CADPS2: variants seen among roughly 807,000 people sequenced by gnomAD.
The protein encoded by CADPS2 is calcium dependent secretion activator 2, also known as calcium-dependent secretion activator 2.
A neutral mutation model predicts 172.5 loss-of-function variants in CADPS2; 93 were observed. That is an observed-to-expected ratio of 0.54 (90% CI 0.46 to 0.64). The LOEUF (loss-of-function observed/expected upper bound fraction) is 0.64. CADPS2 is among the 30% of genes least tolerant of loss of function. The pLI is 0.00. For missense variants in CADPS2, 1,420 were observed against 1,565.9 expected (o/e 0.91, Z 1.57); for synonymous variants, 546 against 555.2 (o/e 0.98, Z 0.23).
Position 122,387,115 on chromosome 7 carries a change from T to C in CADPS2, c.3223A>G (p.Ile1075Val). The change falls in exon 24 of 30, where the codon ATT (isoleucine) becomes GTT (valine). Residue 1075 changes from isoleucine (I) to valine (V), a missense_variant. Transcript: ENST00000449022. ...AACATAGTGCAAACGGAAGCTGGAATGCGCAAGTCAGTTGTTTTGCTTGCC... is the reference window on the plus strand; with the variant it reads ...AACATAGTGCAAACGGAAGCTGGAACGCGCAAGTCAGTTGTTTTGCTTGCC... ...QKASKTTDLR[I>V]PASVCTMFNV... 6.4e-7 allele frequency: 1 copy of C among 1,574,466 alleles called. No individual in the cohort carries two copies. Among genetic ancestry groups the C allele is most frequent in the Non-Finnish European group, 8.6e-7 (1 of 1,157,540 alleles).
At chr7:122,766,385 G>A (rs189813206) in intron 1 of CADPS2, among the ~76,000 whole-genome samples, 1 of 152,028 alleles carries the variant, frequency 6.6e-6, no homozygotes, top group Non-Finnish European at 1.5e-5. Context: ...ATGCAATATA[G>A]AGTGACTATT....
Position 122,379,439 on chromosome 7 carries a change from G to T in CADPS2, c.3316C>A (p.Gln1106Lys). Residue 1106 changes from glutamine (Q) to lysine (K), a missense_variant, in exon 25 of 30, where the codon CAG (glutamine) becomes AAG (lysine). Physicochemically the swap from Gln to Lys is moderately conservative, Grantham distance 53. Coordinates refer to ENST00000449022, the MANE Select transcript of CADPS2 (RefSeq NM_017954.11). ...LCALDGGQEQ[Q>K]YHSKIDDLID... ...AGATCATCTATTTTTGAATGGTACT[G>T]TTGCTAGATATTAAAAGATAAAAAC... 6.3e-7 allele frequency: 1 copy of T among 1,596,574 alleles called. No individual in the cohort carries two copies. The highest frequency in any genetic ancestry group is 1.1e-5 in the South Asian group (1 of 89,900).
At chr7:122,835,167 C>T (rs1382462368) in intron 1 of CADPS2, among the ~76,000 whole-genome samples, 1 of 152,170 alleles carries the variant, frequency 6.6e-6, no homozygotes. Context: ...GATACCCAGG[C>T]AAAATGGGTC....
At chr7:122,591,816 C>G (rs950330877) in intron 6 of CADPS2, among the ~76,000 whole-genome samples, 14 of 152,280 alleles carry the variant, frequency 9.2e-5, no homozygotes, top group African/African-American at 3.4e-4. Context: ...TCCTTCCTTA[C>G]ACCTTATACA....
intron 3 of CADPS2, among the ~76,000 whole-genome samples, chr7:122,630,820 A>G (rs1489421933): frequency 1.3e-5 from 2 of 152,150 alleles, no homozygotes; most frequent in Non-Finnish European, 2.9e-5. Flanking sequence ...TATGTTTCCA[A>G]GTTGATTTTT....
chr7:122,868,541 C>A (rs1038663791), intron 1 of CADPS2, among the ~76,000 whole-genome samples: 7 of 152,100 alleles, frequency 4.6e-5, no homozygotes, highest in African/African-American at 1.7e-4. Flanking sequence ...GCAGGTTGGA[C>A]AAACACAAAG....
rs542889599 is a variant in CADPS2, at chr7:122,498,828, G to T, written c.1543-7408C>A. Among the ~76,000 whole-genome samples, 10 of 152,144 alleles carry T rather than the reference G, an allele frequency of 6.6e-5. No homozygotes were observed. In the East Asian group the frequency reaches 1.5e-3, roughly 23 times the overall value. On this transcript the variant is annotated intron_variant, in intron 9 of 29. Coordinates refer to ENST00000449022, the MANE Select transcript of CADPS2 (RefSeq NM_017954.11). The stretch of plus-strand genomic sequence containing the variant: ...TAAATAAAATTATTTTATAATTTAT[G>T]TATGTGAGAGCTGTATTGCTGAAAT...
chr7:122,399,256 C>T (rs1253492829), intron 20 of CADPS2, among the ~76,000 whole-genome samples: 1 of 152,136 alleles, frequency 6.6e-6, no homozygotes, highest in African/African-American at 2.4e-5. Flanking sequence ...CTACAATCTA[C>T]TGCATCAAGT....
intron 28 of CADPS2, among the ~76,000 whole-genome samples, chr7:122,345,059 C>T (rs544219543): frequency 2.6e-4 from 39 of 152,048 alleles, no homozygotes; most frequent in Middle Eastern, 3.4e-3. Context: ...GCCATCCCCC[C>T]GGCCCACACA....
At chr7:122,703,187 G>T (rs567414818) in intron 2 of CADPS2, among the ~76,000 whole-genome samples, 1 of 152,222 alleles carries the variant, frequency 6.6e-6, no homozygotes, top group South Asian at 2.1e-4. Context: ...CCTTAGTTCT[G>T]GAGAGACTGA....
chr7:122,577,020 C>A (rs1563755194), intron 7 of CADPS2, among the ~76,000 whole-genome samples: 1 of 152,056 alleles, frequency 6.6e-6, no homozygotes, highest in Non-Finnish European at 1.5e-5. Context: ...CTCGGCCTCC[C>A]ATAATGCTGG....
chr7:122,513,361 T>C (rs1346911651), intron 8 of CADPS2, 46 bp from the exon 9 acceptor site: 2 of 1,387,602 alleles, frequency 1.4e-6, no homozygotes, highest in African/African-American at 1.4e-5. Context: ...ATGAATAATG[T>C]TGTGCTTCCA....
chr7:122,554,524 A>G (rs757739132), intron 8 of CADPS2, 26 bp downstream of exon 8: 25 of 1,551,154 alleles, frequency 1.6e-5, no homozygotes, highest in Non-Finnish European at 2.1e-5. Context: ...ATAATTCAGG[A>G]AAAAAATCCT....
intron 1 of CADPS2, among the ~76,000 whole-genome samples, chr7:122,863,223 T>C (rs766901975): frequency 6.6e-6 from 1 of 152,198 alleles, no homozygotes; most frequent in Non-Finnish European, 1.5e-5. Context: ...TACCTGGGTG[T>C]CTTCTACATA....
chr7:122,813,447 A>G (rs1800549429), intron 1 of CADPS2, among the ~76,000 whole-genome samples: 2 of 152,122 alleles, frequency 1.3e-5, no homozygotes, highest in Non-Finnish European at 2.9e-5. Flanking sequence ...GAAATTACAT[A>G]ACTCATCATT....
At chr7:122,448,804 CT>C (rs1399793290) in intron 15 of CADPS2, among the ~76,000 whole-genome samples, 1 of 152,076 alleles carries the variant, frequency 6.6e-6, no homozygotes, top group Non-Finnish European at 1.5e-5. Context: ...TCTAAGGAAA[CT>C]TTTTATGATC....
intron 7 of CADPS2, among the ~76,000 whole-genome samples, chr7:122,565,691 T>C (rs2066372225): frequency 6.6e-6 from 1 of 152,190 alleles, no homozygotes; most frequent in African/African-American, 2.4e-5. Context: ...TAAATATTTT[T>C]TTCCAGCTTT....
chr7:122,671,159 T>TA (rs2081804200), intron 2 of CADPS2, among the ~76,000 whole-genome samples: 1 of 152,154 alleles, frequency 6.6e-6, no homozygotes, highest in Non-Finnish European at 1.5e-5. Context: ...AATATTTAAG[T>TA]AAAAAATTTA....
rs915039250 is a variant in CADPS2, at chr7:122,736,316, A to G, written c.453+639T>C. On this transcript the variant is annotated intron_variant, in intron 2 of 29. Coordinates refer to ENST00000449022, the MANE Select transcript of CADPS2 (RefSeq NM_017954.11). Reference sequence around the variant, plus strand: ...GCTGAAAGGTGTTGAGTACCTGCACAATGAAAGGAATCCATTCCCTCAAAT... The same window carrying G: ...GCTGAAAGGTGTTGAGTACCTGCACGATGAAAGGAATCCATTCCCTCAAAT... Among the ~76,000 whole-genome samples the G allele has an allele frequency of 9.2e-5, 14 of 152,322 alleles. No individual in the cohort carries two copies. The South Asian group carries it at 1.7e-3, about 18-fold the overall frequency.
Sources: gnomAD v4.1 joint callset for allele counts (sites outside exome capture counted in the v4.1 genomes callset) on GRCh38, gnomAD v4.1.1 for gene constraint, MANE v1.5 for transcripts, NCBI Gene and HGNC (gene_info 2026-07-23, HGNC 2026-07-21) for gene names.